GRM8: variants seen among roughly 807,000 people sequenced by gnomAD.
GRM8 encodes glutamate metabotropic receptor 8, also known as metabotropic glutamate receptor 8.
A neutral mutation model predicts 87.2 loss-of-function variants in GRM8; 47 were observed. That is an observed-to-expected ratio of 0.54 (90% CI 0.43 to 0.69). The LOEUF is 0.69. Ranked by LOEUF, GRM8 falls within the 30% of genes least tolerant of loss-of-function variation. The pLI is 0.00. For missense variants in GRM8, 1,019 were observed against 1,139.2 expected (o/e 0.89, Z 1.52); for synonymous variants, 396 against 404.5 (o/e 0.98, Z 0.25).
At chr7:126,662,661 G>C (rs1805323424) in intron 7 of GRM8, among the ~76,000 whole-genome samples, 1 of 152,150 alleles carries the variant, frequency 6.6e-6, no homozygotes, top group Non-Finnish European at 1.5e-5. Context: ...CCTAAACTTA[G>C]AGTCAGGAAA....
At chr7:126,954,595 G>T (rs755732534) in intron 3 of GRM8, among the ~76,000 whole-genome samples, 1 of 152,068 alleles carries the variant, frequency 6.6e-6, no homozygotes, top group East Asian at 1.9e-4. Flanking sequence ...TTAATTTCCA[G>T]ACCTGGACTT....
chr7:126,519,859 T>C (rs1341577957), intron 9 of GRM8, among the ~76,000 whole-genome samples: 1 of 152,080 alleles, frequency 6.6e-6, no homozygotes, highest in Non-Finnish European at 1.5e-5. Context: ...AGATTTGACC[T>C]TGGAAGTGAG....
chr7:127,233,738 G>T (rs17867127), intron 2 of GRM8, among the ~76,000 whole-genome samples: 1 of 152,172 alleles, frequency 6.6e-6, no homozygotes, highest in South Asian at 2.1e-4. Flanking sequence ...GCCTTGAAGC[G>T]TCTTAGAGGG....
Position 127,250,547 on chromosome 7 carries a change from T to C in GRM8, c.-312+2250A>G, listed in dbSNP as rs1227929180. The stretch of plus-strand genomic sequence containing the variant: ...CAAGAATTCTCTATCTTAGACATGG[T>C]ACAACCTGTAGTTGACTCTAAAATG... On this transcript the variant is annotated intron_variant, in intron 1 of 10. Transcript: ENST00000339582. Among the ~76,000 whole-genome samples, 7 of 152,290 alleles carry C rather than the reference T, an allele frequency of 4.6e-5. No homozygotes were observed. The East Asian group carries it at 1.3e-3, about 29-fold the overall frequency.
intron 9 of GRM8, among the ~76,000 whole-genome samples, chr7:126,498,900 T>A (rs995067050): frequency 5.3e-5 from 8 of 152,018 alleles, no homozygotes; most frequent in African/African-American, 1.9e-4. Flanking sequence ...AAATCAAAGT[T>A]ATTGACCTAT....
chr7:126,859,881 G>A, intron 6 of GRM8, among the ~76,000 whole-genome samples: 1 of 152,138 alleles, frequency 6.6e-6, no homozygotes, highest in South Asian at 2.1e-4. Context: ...ATAGCTTGAA[G>A]AGAATATGTT....
intron 7 of GRM8, among the ~76,000 whole-genome samples, chr7:126,734,130 C>T (rs1813922821): frequency 6.6e-6 from 1 of 151,896 alleles, no homozygotes; most frequent in Non-Finnish European, 1.5e-5. Flanking sequence ...TTTCCCAGAA[C>T]TACATTAAAA....
intron 9 of GRM8, among the ~76,000 whole-genome samples, chr7:126,474,132 T>A (rs1213845853): frequency 6.6e-6 from 1 of 152,162 alleles, no homozygotes; most frequent in Non-Finnish European, 1.5e-5. Context: ...CTAAAACAAT[T>A]TGGAATGATT....
chr7:127,040,026 AGGGAGGGGAGG>A (rs1818261355), intron 3 of GRM8, among the ~76,000 whole-genome samples: 1 of 27,948 alleles, frequency 3.6e-5, no homozygotes, highest in Non-Finnish European at 8.1e-5. Flanking sequence ...GAGGGTGAGG[AGGGAGGGGAGG>A]GTGAGGAGGG....
At chr7:127,096,024 A>G (rs942470762) in intron 3 of GRM8, among the ~76,000 whole-genome samples, 1 of 152,220 alleles carries the variant, frequency 6.6e-6, no homozygotes, top group African/African-American at 2.4e-5. Context: ...CTGGTATTTC[A>G]TGAATTCATG....
At chr7:126,783,055 T>C (rs1327697279) in intron 6 of GRM8, among the ~76,000 whole-genome samples, 1 of 152,168 alleles carries the variant, frequency 6.6e-6, no homozygotes, top group Non-Finnish European at 1.5e-5. Flanking sequence ...GCAAACTGTA[T>C]ACTCGCTCCA....
At chr7:127,167,513 C>T (rs1008990690) in intron 2 of GRM8, among the ~76,000 whole-genome samples, 1 of 151,994 alleles carries the variant, frequency 6.6e-6, no homozygotes, top group African/African-American at 2.4e-5. Context: ...GTCATTTTTC[C>T]AGCAGCATGT....
chr7:127,100,734 C>A (rs1445882821), intron 3 of GRM8, among the ~76,000 whole-genome samples: 2 of 152,100 alleles, frequency 1.3e-5, no homozygotes, highest in East Asian at 3.9e-4. Context: ...ATGAGGGAAA[C>A]CACTCCCATG....
At chr7:126,871,404 G>A (rs1335233383) in intron 6 of GRM8, among the ~76,000 whole-genome samples, 3 of 152,100 alleles carry the variant, frequency 2.0e-5, no homozygotes, top group African/African-American at 7.2e-5. Flanking sequence ...ACATGTTTAA[G>A]GTAGTAATAA....
At chr7:127,141,844 T>C (rs1379059295) in intron 2 of GRM8, among the ~76,000 whole-genome samples, 1 of 152,130 alleles carries the variant, frequency 6.6e-6, no homozygotes, top group Non-Finnish European at 1.5e-5. Context: ...AGACCAAGAC[T>C]AGACTATGGC....
chr7:126,539,667 G>A (rs149574196), intron 8 of GRM8, among the ~76,000 whole-genome samples: 141 of 151,698 alleles, frequency 9.3e-4, no homozygotes, highest in African/African-American at 3.2e-3. Context: ...GTATGTTCAC[G>A]TTATTTTTGA....
chr7:127,188,261 G>A (rs546526506), intron 2 of GRM8, among the ~76,000 whole-genome samples: 15 of 152,168 alleles, frequency 9.9e-5, no homozygotes, highest in Non-Finnish European at 1.8e-4. Context: ...CATATAACTA[G>A]TAAGTGACTG....
At chr7:126,869,571 T>C (rs889602168) in intron 6 of GRM8, 1 of 152,212 alleles carries the variant, frequency 6.6e-6, no homozygotes, top group African/African-American at 2.4e-5. Context: ...TGTTAGCAGA[T>C]ACAAAAACAG....
chr7:127,176,723 C>T (rs951501001), intron 2 of GRM8, among the ~76,000 whole-genome samples: 2 of 152,200 alleles, frequency 1.3e-5, no homozygotes, highest in African/African-American at 4.8e-5. Context: ...ACCCCCAGTA[C>T]CAGTCCAGAC....
Sources: gnomAD v4.1 joint callset for allele counts (sites outside exome capture counted in the v4.1 genomes callset) on GRCh38, gnomAD v4.1.1 for gene constraint, MANE v1.5 for transcripts, NCBI Gene and HGNC (gene_info 2026-07-23, HGNC 2026-07-21) for gene names.